The following CLRN1 variants were observed in gnomAD, a reference collection of about 807,000 sequenced individuals.
The protein encoded by CLRN1 is clarin 1, also known as clarin-1.
A neutral mutation model predicts 18.7 loss-of-function variants in CLRN1; 15 were observed. That is an observed-to-expected ratio of 0.80 (90% CI 0.54 to 1.23). The LOEUF (loss-of-function observed/expected upper bound fraction) is 1.23. Among genes scored for constraint, CLRN1 ranks in the 50% most tolerant of loss-of-function variants. The pLI is 0.00. For synonymous variants in CLRN1, 104 were observed against 102.9 expected (o/e 1.01, Z -0.07); for missense variants, 311 against 277.5 (o/e 1.12, Z -0.86).
chr3:150,948,409 G>A (rs1203796668), intron 1 of CLRN1, among the ~76,000 whole-genome samples: 2 of 147,992 alleles, frequency 1.4e-5, no homozygotes, highest in Non-Finnish European at 3.0e-5. Context: ...GCGTGAACCC[G>A]GGAGGCGGAG....
intron 1 of CLRN1, among the ~76,000 whole-genome samples, chr3:150,963,683 AC>A (rs1715134614): frequency 6.6e-6 from 1 of 152,240 alleles, no homozygotes; most frequent in African/African-American, 2.4e-5. Context: ...GTCTACAGTA[AC>A]CAAAACAGCA....
chr3:150,932,190 A>G (rs1216946384), intron 2 of CLRN1, among the ~76,000 whole-genome samples: 1 of 151,942 alleles, frequency 6.6e-6, no homozygotes, highest in Non-Finnish European at 1.5e-5. Flanking sequence ...CACATTCATG[A>G]CTCTCCTCTG....
At position 150,927,163 on chromosome 3, in the gene CLRN1, G is replaced by C; in HGVS notation, c.*773C>G. 1.6e-6 allele frequency: 1 copy of C among 635,342 alleles called. No individual in the cohort carries two copies. Among genetic ancestry groups the C allele is most frequent in the Non-Finnish European group, 2.9e-6 (1 of 347,604 alleles). The allele number at this position is 635,342 out of a possible 1,614,324, so 39.4% of individuals were successfully genotyped here. ...TGTCGTGAATGTAATTGGGACTCAG[G>C]CACGGGAGGAAAAATACCCTAAGCT... On this transcript the variant is annotated 3_prime_UTR_variant, in exon 3 of 3. Transcript: ENST00000327047.
At position 150,958,394 on chromosome 3, in the gene CLRN1, C is replaced by T. The variant is rs145158954; in HGVS notation, c.253+14062G>A. On this transcript the variant is annotated intron_variant, in intron 1 of 2. Transcript: ENST00000327047. ...TCCCCACTTCTCTTTTGATTTTCTTCCAATCCATCTTCTGTCCTGTCACAT... is the reference window on the plus strand; with the variant it reads ...TCCCCACTTCTCTTTTGATTTTCTTTCAATCCATCTTCTGTCCTGTCACAT... Among the ~76,000 whole-genome samples the T allele has an allele frequency of 5.2e-3, 793 of 152,322 alleles. 3 individuals are homozygous for T. Among genetic ancestry groups the T allele is most frequent in the Non-Finnish European group, 7.3e-3 (494 of 68,016 alleles).
chr3:150,972,559 TG>T lies in CLRN1; in HGVS notation c.149del (p.Ser50Ter). ...CKTGALLVNA[S>X]GQELDKFMGE... ...CCATAAACTTGTCCAGCTCCTGCCC[TG>T]AGGCATTGACGAGCAGAGCTCCCGT... On this transcript the variant is annotated frameshift_variant, in exon 1 of 3. Coordinates refer to ENST00000327047, the MANE Select transcript of CLRN1 (RefSeq NM_174878.3). LOFTEE classifies it high-confidence loss of function. The T allele has an allele frequency of 6.2e-7, 1 of 1,614,232 alleles. No individual in the cohort carries two copies. Among genetic ancestry groups the T allele is most frequent in the Non-Finnish European group, 8.5e-7 (1 of 1,180,036 alleles).
intron 2 of CLRN1, among the ~76,000 whole-genome samples, chr3:150,939,156 T>C (rs1713656263): frequency 6.6e-6 from 1 of 152,132 alleles, no homozygotes; most frequent in African/African-American, 2.4e-5. Flanking sequence ...TTTTCAGCTG[T>C]TTTCTGTCAA....
intron 1 of CLRN1, chr3:150,943,831 T>C: frequency 6.2e-7 from 1 of 1,614,180 alleles, no homozygotes; most frequent in East Asian, 2.2e-5. Flanking sequence ...TGGTTGCTGC[T>C]GCAGGGCCTG....
Position 150,927,906 on chromosome 3 carries a change from C to G in CLRN1, c.*30G>C, listed in dbSNP as rs1214230935. 7 of 1,613,572 alleles carry G rather than the reference C, an allele frequency of 4.3e-6. No homozygotes were observed. Among genetic ancestry groups the G allele is most frequent in the Non-Finnish European group, 5.9e-6 (7 of 1,179,844 alleles). On this transcript the variant is annotated 3_prime_UTR_variant, in exon 3 of 3. Coordinates refer to ENST00000327047, the MANE Select transcript of CLRN1 (RefSeq NM_174878.3). The stretch of plus-strand genomic sequence containing the variant: ...TAAAAGTGACCAAAGCAAGTCTACT[C>G]CCTTGTAAAATTATAGAAAGGTTTG...
At chr3:150,929,362 G>C (rs1382621192) in intron 2 of CLRN1, among the ~76,000 whole-genome samples, 1 of 152,158 alleles carries the variant, frequency 6.6e-6, no homozygotes, top group Admixed American at 6.5e-5. Flanking sequence ...ACCAGATCAG[G>C]AGCACATAGG....
intron 1 of CLRN1, among the ~76,000 whole-genome samples, chr3:150,955,622 G>A (rs1484724012): frequency 6.6e-6 from 1 of 152,138 alleles, no homozygotes; most frequent in Non-Finnish European, 1.5e-5. Flanking sequence ...ACACTTGGGG[G>A]ATTGTCAACA....
chr3:150,928,391 G>T (rs1464637688), intron 2 of CLRN1, among the ~76,000 whole-genome samples, 190 bp from the exon 3 acceptor site: 1 of 152,218 alleles, frequency 6.6e-6, no homozygotes, highest in Non-Finnish European at 1.5e-5. Context: ...CTTGGGTTAT[G>T]GTTCTGCTCT....
chr3:150,954,430 C>T (rs927345389), intron 1 of CLRN1, among the ~76,000 whole-genome samples: 1 of 152,038 alleles, frequency 6.6e-6, no homozygotes, highest in African/African-American at 2.4e-5. Flanking sequence ...AGGTCATTTT[C>T]GATGATGTGT....
chr3:150,942,494 C>T, intron 1 of CLRN1: 1 of 344,800 alleles, frequency 2.9e-6, no homozygotes, highest in South Asian at 2.3e-5. Flanking sequence ...AAGTTTAATT[C>T]TGTTCATTTT....
At chr3:150,957,541 G>A (rs1714804593) in intron 1 of CLRN1, among the ~76,000 whole-genome samples, 1 of 152,070 alleles carries the variant, frequency 6.6e-6, no homozygotes, top group South Asian at 2.1e-4. Flanking sequence ...TACTTCCTTG[G>A]TGAAGGTCTA....
rs556069558 is a variant in CLRN1 at position 150,971,532 on chromosome 3, G to A, written c.253+924C>T. 5.3e-5 allele frequency among the ~76,000 whole-genome samples: 8 copies of A among 152,028 alleles called. No homozygotes were observed. In the South Asian group the frequency reaches 1.7e-3, roughly 32 times the overall value. On this transcript the variant is annotated intron_variant, in intron 1 of 2. Transcript: ENST00000327047. Reference sequence around the variant, plus strand: ...TACTAGAAAGAAAAAAAAAACCTGGGCAAAATAATAATTCATTTTAAATGC... The same window carrying A: ...TACTAGAAAGAAAAAAAAAACCTGGACAAAATAATAATTCATTTTAAATGC...
chr3:150,941,351 AAT>A lies in CLRN1; in HGVS notation c.433+229_433+230del. On this transcript the variant is annotated intron_variant, in intron 2 of 2. Coordinates refer to ENST00000327047, the MANE Select transcript of CLRN1 (RefSeq NM_174878.3). ...TTATCCTCTTGATTACATCTTCAAA[AAT>A]ATAATTTAATGTCAGCATCACAGTT... The A allele has an allele frequency of 8.5e-6, 4 of 473,102 alleles. No homozygotes were observed. In the South Asian group the frequency reaches 1.1e-4, roughly 13 times the overall value. 29.3% of individuals were successfully genotyped at this position (473,102 alleles called of 1,614,324 possible). A position where few individuals can be genotyped will look rare whatever the true frequency, so the allele number is the denominator to read the frequency against.
intron 1 of CLRN1, among the ~76,000 whole-genome samples, chr3:150,956,795 C>G (rs1311768176): frequency 6.6e-6 from 1 of 152,162 alleles, no homozygotes; most frequent in African/African-American, 2.4e-5. Context: ...TCTGCAAAGC[C>G]TTTTCTAGTT....
At chr3:150,957,775 C>T (rs1400446544) in intron 1 of CLRN1, among the ~76,000 whole-genome samples, 1 of 152,196 alleles carries the variant, frequency 6.6e-6, no homozygotes, top group Non-Finnish European at 1.5e-5. Flanking sequence ...TCTCCTGCCT[C>T]AGCCTCCTGA....
chr3:150,956,950 A>G (rs1714768163), intron 1 of CLRN1, among the ~76,000 whole-genome samples: 1 of 152,170 alleles, frequency 6.6e-6, no homozygotes, highest in Admixed American at 6.5e-5. Context: ...CTCATTTCAC[A>G]GAGAAAGGTG....
Sources: allele counts gnomAD v4.1 joint callset (sites outside exome capture counted in the v4.1 genomes callset), GRCh38; gene constraint gnomAD v4.1.1; transcripts MANE v1.5; gene names NCBI Gene and HGNC (gene_info 2026-07-23, HGNC 2026-07-21).